The following STK32B variants were observed in gnomAD, a reference collection of about 807,000 sequenced individuals.
STK32B encodes the protein serine/threonine-protein kinase 32B.
STK32B carries 43 observed loss-of-function variants against 52.6 expected under a neutral mutation model. The observed-to-expected ratio is 0.82, with a 90% CI of 0.64 to 1.05. The LOEUF (loss-of-function observed/expected upper bound fraction) is 1.05. STK32B is among the 50% of genes least tolerant of loss of function. The pLI is 0.00. For synonymous variants in STK32B, 238 were observed against 204.3 expected, an observed-to-expected ratio of 1.17 and a Z score of -1.41; for missense variants, 621 against 534.6, an observed-to-expected ratio of 1.16 and a Z score of -1.59.
intron 11 of STK32B, among the ~76,000 whole-genome samples, chr4:5,496,528 C>G (rs531028227): frequency 6.7e-6 from 1 of 150,084 alleles, no homozygotes; most frequent in Admixed American, 6.6e-5. Flanking sequence ...TTGCGCTTCC[C>G]GAGTGAGGCA....
chr4:5,417,035 C>T (rs921992416), intron 6 of STK32B, 101 bp downstream of exon 6: 9 of 1,050,748 alleles, frequency 8.6e-6, no homozygotes, highest in Non-Finnish European at 1.2e-5. Flanking sequence ...GCCACATACC[C>T]TCCCATGCTC....
intron 1 of STK32B, among the ~76,000 whole-genome samples, chr4:5,138,100 G>A (rs1716181672): frequency 6.6e-6 from 1 of 152,202 alleles, no homozygotes; most frequent in Admixed American, 6.5e-5. Context: ...TTTGGTGAAT[G>A]AGTAAGAAGT....
chr4:5,051,925 C>G lies in STK32B; in HGVS notation c.52+10C>G, dbSNP rs62291617. 5.0e-6 allele frequency: 8 copies of G among 1,587,382 alleles called. No individual in the cohort carries two copies. Among genetic ancestry groups the G allele is most frequent in the Non-Finnish European group, 6.9e-6 (8 of 1,167,524 alleles). On this transcript the variant is annotated intron_variant, in intron 1 of 11. Transcript: ENST00000282908. ...GACGAGAATGAGGAAGGTAAGAGAG[C>G]GAGAGGTGCGAATTCCCGCTTCGCG...
chr4:5,202,370 C>G (rs976602225), intron 3 of STK32B, among the ~76,000 whole-genome samples: 5 of 152,250 alleles, frequency 3.3e-5, no homozygotes, highest in South Asian at 2.1e-4. Flanking sequence ...TGACCCCACC[C>G]AAATATCATG....
chr4:5,202,203 A>G lies in STK32B; in HGVS notation c.260+33753A>G, dbSNP rs578066401. Among the ~76,000 whole-genome samples, 18 of 152,356 alleles carry G rather than the reference A, an allele frequency of 1.2e-4. 1 individual carries two copies. In the South Asian group the frequency reaches 3.7e-3, roughly 32 times the overall value. On this transcript the variant is annotated intron_variant, in intron 3 of 11. Coordinates refer to ENST00000282908, the MANE Select transcript of STK32B (RefSeq NM_018401.3). ...AAAACAAAGGGGCAACAGGCATGCA[A>G]GTCTGAAACCCAGCAGGGCAACCAT...
chr4:5,034,768 G>C, the STK32B span, among the ~76,000 whole-genome samples: 1 of 152,186 alleles, frequency 6.6e-6, no homozygotes, highest in South Asian at 2.1e-4. Context: ...AATCAGGTAG[G>C]CTGGAGGGGC....
intron 4 of STK32B, among the ~76,000 whole-genome samples, chr4:5,356,493 G>C (rs1479471486): frequency 6.6e-6 from 1 of 152,192 alleles, no homozygotes; most frequent in Non-Finnish European, 1.5e-5. Flanking sequence ...CAGGACTACT[G>C]CTTTGCGAAG....
intron 4 of STK32B, among the ~76,000 whole-genome samples, chr4:5,348,637 C>A (rs149317733): frequency 4.6e-4 from 70 of 152,310 alleles, no homozygotes; most frequent in African/African-American, 1.3e-3. Context: ...CAGCTGCTGC[C>A]GCTAACAGCA....
intron 1 of STK32B, among the ~76,000 whole-genome samples, chr4:5,134,683 C>T (rs779731181): frequency 5.9e-5 from 9 of 152,236 alleles, no homozygotes; most frequent in Admixed American, 1.3e-4. Context: ...AGACTAAACA[C>T]ACGCATGACC....
chr4:5,497,834 C>T (rs1720418635), intron 11 of STK32B, among the ~76,000 whole-genome samples: 1 of 152,178 alleles, frequency 6.6e-6, no homozygotes, highest in African/African-American at 2.4e-5. Flanking sequence ...CTGGGTGAAA[C>T]AGCTCTTTCA....
chr4:5,037,618 T>G, the STK32B span, among the ~76,000 whole-genome samples: 1 of 152,200 alleles, frequency 6.6e-6, no homozygotes, highest in Admixed American at 6.5e-5. Flanking sequence ...CCTGGAGGAC[T>G]CTGAGAAAGG....
chr4:5,477,466 G>A (rs1364899687), intron 11 of STK32B, among the ~76,000 whole-genome samples: 3 of 152,064 alleles, frequency 2.0e-5, no homozygotes. Flanking sequence ...GCTCAGAATG[G>A]CTCAGAGTCC....
chr4:5,461,674 C>T (rs1717036112), intron 9 of STK32B, among the ~76,000 whole-genome samples: 1 of 152,148 alleles, frequency 6.6e-6, no homozygotes, highest in African/African-American at 2.4e-5. Flanking sequence ...CCCTGCTCTC[C>T]CCTGAGCCCA....
At position 5,496,424 on chromosome 4, in the gene STK32B, C is replaced by T. The variant is rs537502914; in HGVS notation, c.1107-2521C>T. ...CTGGTGCACCGTTTTTTAAGCCCTT[C>T]GGAAAAGCGCAGTATTGGGGTGGGA... is the stretch of plus-strand genomic sequence containing the variant. On this transcript the variant is annotated intron_variant, in intron 11 of 11. Coordinates refer to ENST00000282908, the MANE Select transcript of STK32B (RefSeq NM_018401.3). 1.1e-3 allele frequency among the ~76,000 whole-genome samples: 171 copies of T among 152,292 alleles called. 1 individual carries two copies. Among genetic ancestry groups the T allele is most frequent in the African/African-American group, 3.8e-3 (159 of 41,552 alleles).
At chr4:5,411,466 A>G (rs2654495) in intron 5 of STK32B, among the ~76,000 whole-genome samples, 75,373 of 151,778 alleles carry the variant, frequency 0.5, 21,621 homozygotes, top group Non-Finnish European at 0.66. Flanking sequence ...AAATAATACA[A>G]ATACAAACAA....
intron 3 of STK32B, among the ~76,000 whole-genome samples, chr4:5,240,584 C>T (rs910977472): frequency 6.6e-6 from 1 of 152,074 alleles, no homozygotes; most frequent in Non-Finnish European, 1.5e-5. Flanking sequence ...CTCAGCCTCC[C>T]AAAGAGCTGA....
intron 3 of STK32B, among the ~76,000 whole-genome samples, chr4:5,274,511 C>T (rs1419630554): frequency 2.6e-5 from 4 of 152,096 alleles, no homozygotes; most frequent in Non-Finnish European, 2.9e-5. Flanking sequence ...CCTTTAAACA[C>T]GGGGCTTGCA....
intron 11 of STK32B, among the ~76,000 whole-genome samples, chr4:5,487,532 A>C (rs1719329744): frequency 6.6e-6 from 1 of 152,214 alleles, no homozygotes; most frequent in South Asian, 2.1e-4. Flanking sequence ...ACTGGGTGAG[A>C]CGTGTTGTAG....
At chr4:5,283,490 CTCAGAGG>C (rs1728342939) in intron 3 of STK32B, among the ~76,000 whole-genome samples, 1 of 152,092 alleles carries the variant, frequency 6.6e-6, no homozygotes, top group African/African-American at 2.4e-5. Flanking sequence ...GTATAGGAAG[CTCAGAGG>C]TTGCCAGTCA....
Sources: allele counts gnomAD v4.1 joint callset (sites outside exome capture counted in the v4.1 genomes callset), GRCh38; gene constraint gnomAD v4.1.1; transcripts MANE v1.5; gene names NCBI Gene and HGNC (gene_info 2026-07-23, HGNC 2026-07-21).